Variants in RBFOX1 observed in about 807,000 individuals in gnomAD.
The protein encoded by RBFOX1 is RNA binding fox-1 homolog 1.
A neutral mutation model predicts 57.7 loss-of-function variants in RBFOX1; 8 were observed. That is an observed-to-expected ratio of 0.14 (90% CI 0.08 to 0.25). The LOEUF is 0.25. Ranked by LOEUF, RBFOX1 falls within the 10% of genes least tolerant of loss-of-function variation. The pLI, the probability that RBFOX1 is intolerant of heterozygous loss-of-function variation, is 1.00. For missense variants in RBFOX1, 611 were observed against 548.5 expected (o/e 1.11, Z -1.14); for synonymous variants, 326 against 222.4 (o/e 1.47, Z -4.15).
chr16:6,858,523 A>T (rs2058325899), intron 3 of RBFOX1, among the ~76,000 whole-genome samples: 1 of 152,090 alleles, frequency 6.6e-6, no homozygotes, highest in Non-Finnish European at 1.5e-5. Flanking sequence ...CTTTTGTATC[A>T]CGCTTGCTTG....
chr16:6,401,615 T>G (rs554382763), intron 2 of RBFOX1, among the ~76,000 whole-genome samples: 1 of 152,320 alleles, frequency 6.6e-6, no homozygotes, highest in Non-Finnish European at 1.5e-5. Context: ...TTCAGTCATT[T>G]TGTAGCTTTC....
intron 2 of RBFOX1, among the ~76,000 whole-genome samples, chr16:5,592,461 G>C (rs1442045139): frequency 4.6e-5 from 7 of 150,706 alleles, no homozygotes; most frequent in Non-Finnish European, 8.8e-5. Flanking sequence ...TCATCGTCCA[G>C]GCTGGAGTGC....
intron 3 of RBFOX1, among the ~76,000 whole-genome samples, chr16:5,766,462 G>T (rs1422113804): frequency 5.3e-5 from 8 of 152,130 alleles, no homozygotes. Context: ...GCACATGCCT[G>T]TAGTACCAGC....
At chr16:6,889,898 C>G (rs2065016013) in intron 3 of RBFOX1, among the ~76,000 whole-genome samples, 1 of 152,168 alleles carries the variant, frequency 6.6e-6, no homozygotes, top group African/African-American at 2.4e-5. Context: ...TCTTTTAACA[C>G]ATTGTATAGC....
intron 3 of RBFOX1, among the ~76,000 whole-genome samples, chr16:6,740,441 G>T (rs1192588671): frequency 1.3e-5 from 2 of 152,070 alleles, no homozygotes; most frequent in African/African-American, 4.8e-5. Flanking sequence ...TTAAAATAAA[G>T]AAATAAAACT....
At chr16:7,606,598 G>C (rs2095295134) in intron 9 of RBFOX1, among the ~76,000 whole-genome samples, 1 of 152,280 alleles carries the variant, frequency 6.6e-6, no homozygotes, top group Admixed American at 6.5e-5. Context: ...GATTTCTAAA[G>C]GGTCAGGATT....
At chr16:6,899,715 C>T (rs1417380897) in intron 3 of RBFOX1, among the ~76,000 whole-genome samples, 1 of 152,220 alleles carries the variant, frequency 6.6e-6, no homozygotes, top group Non-Finnish European at 1.5e-5. Context: ...ATGGAGGCTT[C>T]ATGCATGATG....
chr16:5,498,577 C>T (rs1156944645), intron 2 of RBFOX1, among the ~76,000 whole-genome samples: 1 of 152,150 alleles, frequency 6.6e-6, no homozygotes. Flanking sequence ...GTGTGCATGG[C>T]ACTGGGAAGA....
chr16:6,961,254 C>G (rs1240462120), intron 3 of RBFOX1, among the ~76,000 whole-genome samples: 1 of 152,142 alleles, frequency 6.6e-6, no homozygotes, highest in African/African-American at 2.4e-5. Context: ...GCCATTTTCT[C>G]AGAACCTGGG....
intron 1 of RBFOX1, among the ~76,000 whole-genome samples, chr16:6,159,718 G>T (rs977791269): frequency 1.3e-5 from 2 of 152,170 alleles, no homozygotes; most frequent in African/African-American, 4.8e-5. Context: ...TCATTTTTCT[G>T]CAGCTTCATT....
At chr16:7,236,058 T>C (rs561782402) in intron 4 of RBFOX1, among the ~76,000 whole-genome samples, 1 of 152,326 alleles carries the variant, frequency 6.6e-6, no homozygotes, top group Non-Finnish European at 1.5e-5. Flanking sequence ...ATCAAAAAGA[T>C]CCTGGTTATT....
At chr16:6,614,950 T>A (rs1243028582) in intron 2 of RBFOX1, among the ~76,000 whole-genome samples, 2 of 152,202 alleles carry the variant, frequency 1.3e-5, no homozygotes, top group Non-Finnish European at 2.9e-5. Context: ...ACAGACACTT[T>A]AAAAATATAG....
intron 4 of RBFOX1, among the ~76,000 whole-genome samples, chr16:7,097,473 A>G (rs2151275560): frequency 6.6e-6 from 1 of 152,300 alleles, no homozygotes; most frequent in South Asian, 2.1e-4. Flanking sequence ...AGAGGAGGAC[A>G]GTAAGAGAGT....
At chr16:7,212,666 G>C (rs1198238598) in intron 4 of RBFOX1, among the ~76,000 whole-genome samples, 4 of 152,126 alleles carry the variant, frequency 2.6e-5, no homozygotes, top group African/African-American at 2.4e-5. Flanking sequence ...CAATATTTGA[G>C]GAGTGTAGTT....
intron 4 of RBFOX1, among the ~76,000 whole-genome samples, chr16:7,274,658 T>C (rs1464372523): frequency 6.6e-6 from 1 of 151,662 alleles, no homozygotes; most frequent in African/African-American, 2.4e-5. Flanking sequence ...TTTATTTATT[T>C]GAGATAGAGC....
intron 3 of RBFOX1, among the ~76,000 whole-genome samples, chr16:5,834,730 GATACATACATAC>G (rs763479891): frequency 3.7e-4 from 54 of 146,412 alleles, no homozygotes; most frequent in African/African-American, 1.3e-3. Context: ...TAGATACATA[GATACATACATAC>G]ATACATACAT....
In RBFOX1 at chr16:6,611,901, C is replaced by G. The variant is rs550567754; in HGVS notation, c.-63-42702C>G. Among the ~76,000 whole-genome samples the G allele has an allele frequency of 3.3e-5, 5 of 152,276 alleles. No homozygotes were observed. In the East Asian group the frequency reaches 7.7e-4, roughly 24 times the overall value. On this transcript the variant is annotated intron_variant, in intron 2 of 15. Transcript: ENST00000550418. Reference sequence around the variant, plus strand: ...GGTTTCTGGTCTCTGAAGACACCTCCTCTTCCCATTGGTTGCAAGGGTTTT... The same window carrying G: ...GGTTTCTGGTCTCTGAAGACACCTCGTCTTCCCATTGGTTGCAAGGGTTTT...
At chr16:7,410,580 G>A (rs1231451721) in intron 4 of RBFOX1, among the ~76,000 whole-genome samples, 2 of 152,186 alleles carry the variant, frequency 1.3e-5, no homozygotes, top group African/African-American at 4.8e-5. Flanking sequence ...AGGAGGCTGA[G>A]GCAGCAGAAT....
chr16:5,735,076 C>T (rs552178945), intron 3 of RBFOX1, among the ~76,000 whole-genome samples: 5 of 152,136 alleles, frequency 3.3e-5, no homozygotes, highest in African/African-American at 1.2e-4. Flanking sequence ...GGGGGCCATG[C>T]CTTGTGATCA....
Sources: allele counts gnomAD v4.1 joint callset (sites outside exome capture counted in the v4.1 genomes callset), GRCh38; gene constraint gnomAD v4.1.1; transcripts MANE v1.5; gene names NCBI Gene and HGNC (gene_info 2026-07-23, HGNC 2026-07-21).